The following PLCG2 variants were observed in gnomAD, a reference collection of about 807,000 sequenced individuals.
PLCG2 encodes 1-phosphatidylinositol 4,5-bisphosphate phosphodiesterase gamma-2.
Under a neutral mutation model 175.6 loss-of-function variants are expected in PLCG2, and 69 were observed. The observed-to-expected ratio is 0.39, with a 90% confidence interval of 0.32 to 0.48. The LOEUF (loss-of-function observed/expected upper bound fraction) is 0.48. Ranked by LOEUF, PLCG2 falls within the 20% of genes least tolerant of loss-of-function variation. The pLI, the probability that PLCG2 is intolerant of heterozygous loss-of-function variation, is 0.91. For missense variants in PLCG2, 1,798 were observed against 1,650.9 expected (o/e 1.09, Z -1.54); for synonymous variants, 827 against 624.0 (o/e 1.33, Z -4.85).
At chr16:81,859,790 C>A (rs767939340) in intron 5 of PLCG2, among the ~76,000 whole-genome samples, 8 of 152,204 alleles carry the variant, frequency 5.3e-5, no homozygotes, top group Non-Finnish European at 8.8e-5. Flanking sequence ...CCCACCTTGG[C>A]CTCCCAAAGT....
At chr16:81,904,268 C>T (rs552983127) in intron 14 of PLCG2, among the ~76,000 whole-genome samples, 20 of 152,262 alleles carry the variant, frequency 1.3e-4, no homozygotes, top group African/African-American at 3.4e-4. Context: ...CCCGATTTTA[C>T]GAGACAGATT....
chr16:81,934,191 G>A (rs1415056961), intron 25 of PLCG2, among the ~76,000 whole-genome samples: 2 of 152,194 alleles, frequency 1.3e-5, no homozygotes, highest in African/African-American at 4.8e-5. Context: ...TTTGAGGGCT[G>A]TGGCCAGGAC....
At chr16:81,859,347 C>G (rs749519313) in intron 5 of PLCG2, 184 bp downstream of exon 5, 6 of 546,186 alleles carry the variant, frequency 1.1e-5, no homozygotes, top group Non-Finnish European at 2.0e-5. Flanking sequence ...CTGGAGGGAG[C>G]CTCTATTCCG....
chr16:81,781,874 C>T (rs903960747), intron 1 of PLCG2, among the ~76,000 whole-genome samples: 21 of 3,606 alleles, frequency 5.8e-3, no homozygotes, highest in South Asian at 0.042. Flanking sequence ...TTCCCCCCCC[C>T]CCCCCGCCCG....
intron 1 of PLCG2, among the ~76,000 whole-genome samples, chr16:81,749,451 C>G (rs1314423307): frequency 2.0e-5 from 3 of 152,140 alleles, no homozygotes; most frequent in African/African-American, 7.2e-5. Flanking sequence ...CTCCTGGGTT[C>G]AAGCAATTCT....
chr16:81,805,762 GTTTTGTTTTTTTTTTT>G (rs1253307131), intron 2 of PLCG2, among the ~76,000 whole-genome samples: 57 of 38,894 alleles, frequency 1.5e-3, no homozygotes, highest in Non-Finnish European at 2.6e-3. Context: ...GTAGTGTTTT[GTTTTGTTTTTTTTTTT>G]TTTTGTTTTT....
intron 2 of PLCG2, among the ~76,000 whole-genome samples, chr16:81,766,074 T>G (rs1042814339): frequency 6.6e-6 from 1 of 152,240 alleles, no homozygotes; most frequent in African/African-American, 2.4e-5. Context: ...GTCCTACCTC[T>G]TCTGTCTCCT....
intron 22 of PLCG2, 82 bp downstream of exon 22, chr16:81,923,676 A>G (rs2143692958): frequency 1.3e-6 from 1 of 792,448 alleles, no homozygotes; most frequent in South Asian, 1.5e-5. Context: ...GTGCTGGCCA[A>G]GTCTGACCCC....
intron 19 of PLCG2, among the ~76,000 whole-genome samples, chr16:81,916,044 T>G (rs2143672910): frequency 6.6e-6 from 1 of 152,268 alleles, no homozygotes; most frequent in Non-Finnish European, 1.5e-5. Context: ...TATGGTGCCA[T>G]TTTGTGTCTG....
Position 81,956,890 on chromosome 16 carries a change from C to A in PLCG2, c.3755+11C>A. 1 of 1,608,840 alleles carries A rather than the reference C, an allele frequency of 6.2e-7. No individual in the cohort carries two copies. ...GAAATGCAACAAGAGGTAGGTCAGC[C>A]CCTCCACCTGCAAAAACTTTTGGGG... On this transcript the variant is annotated intron_variant, in intron 32 of 32. Coordinates refer to ENST00000564138, the MANE Select transcript of PLCG2 (RefSeq NM_002661.5).
At chr16:81,936,811 G>C (rs1910734667) in intron 27 of PLCG2, among the ~76,000 whole-genome samples, 1 of 152,184 alleles carries the variant, frequency 6.6e-6, no homozygotes, top group African/African-American at 2.4e-5. Context: ...ACGGGGCTTT[G>C]TGCTTTTGTT....
In PLCG2 at chr16:81,960,304, G is replaced by T. The variant is rs936532461; in HGVS notation, c.*2306G>T. ...CTACATAACTTCAGTATCTAGCTGA[G>T]ACATGCTTCCTACATGACTGTTAAA... On this transcript the variant is annotated 3_prime_UTR_variant, in exon 33 of 33. Coordinates refer to ENST00000564138, the MANE Select transcript of PLCG2 (RefSeq NM_002661.5). 4.5e-6 allele frequency: 1 copy of T among 220,470 alleles called. No individual in the cohort carries two copies. The highest frequency in any genetic ancestry group is 1.9e-4 in the South Asian group (1 of 5,398). The allele number at this position is 220,470 out of a possible 1,614,324, so 13.7% of individuals were successfully genotyped here.
At chr16:81,789,807 C>A (rs1310700253) in intron 2 of PLCG2, among the ~76,000 whole-genome samples, 1 of 152,004 alleles carries the variant, frequency 6.6e-6, no homozygotes, top group Non-Finnish European at 1.5e-5. Context: ...CTTCTCCCTC[C>A]CACTTTCCCT....
chr16:81,776,083 C>CGTTCGT (rs1413572575), upstream of PLCG2, among the ~76,000 whole-genome samples: 3 of 81,848 alleles, frequency 3.7e-5, no homozygotes, highest in African/African-American at 1.3e-4. Context: ...TTCTCTCTCT[C>CGTTCGT]TCTCTCTTTC....
intron 2 of PLCG2, among the ~76,000 whole-genome samples, chr16:81,791,215 T>C (rs1015056951): frequency 6.6e-6 from 1 of 152,118 alleles, no homozygotes; most frequent in African/African-American, 2.4e-5. Flanking sequence ...GAGTTTTCAC[T>C]GGATGTGGTG....
intron 26 of PLCG2, chr16:81,935,740 C>T: frequency 1.0e-6 from 1 of 985,362 alleles, no homozygotes; most frequent in Non-Finnish European, 1.2e-6. Context: ...ACCCACATTG[C>T]AACCCTACCT....
intron 11 of PLCG2, among the ~76,000 whole-genome samples, chr16:81,893,213 A>G (rs867255320): frequency 6.6e-6 from 1 of 152,146 alleles, no homozygotes; most frequent in African/African-American, 2.4e-5. Flanking sequence ...AGGAAAGTGC[A>G]TTAAAGAGTC....
chr16:81,928,592 G>C lies in PLCG2; in HGVS notation c.2549G>C (p.Arg850Thr). 6.2e-7 allele frequency: 1 copy of C among 1,609,772 alleles called. No individual in the cohort carries two copies. Among genetic ancestry groups the C allele is most frequent in the Non-Finnish European group, 8.5e-7 (1 of 1,176,010 alleles). Residue 850 changes from arginine (R) to threonine (T), a missense_variant, in exon 24 of 33, where the codon AGA (arginine) becomes ACA (threonine). Transcript: ENST00000564138. ...IEDNPLGSLCRGILDLNTYNV... is the reference protein window; with the variant it reads ...IEDNPLGSLCTGILDLNTYNV... ...GACAATCCCTTAGGGTCTCTTTGCA[G>C]AGGAATATTGGACCTCAATACCTAT...
At position 81,871,730 on chromosome 16, in the gene PLCG2, C is replaced by G. The variant is rs116819605; in HGVS notation, c.648+795C>G. ...AAATTAAGAGGGTGTATGTTTTGATCTGACAGTGGCATCCTGGGGACTCTG... is the reference window on the plus strand; with the variant it reads ...AAATTAAGAGGGTGTATGTTTTGATGTGACAGTGGCATCCTGGGGACTCTG... On this transcript the variant is annotated intron_variant, in intron 7 of 32. Transcript: ENST00000564138. Among the ~76,000 whole-genome samples the G allele has an allele frequency of 4.2e-3, 635 of 152,278 alleles. 6 individuals carry two copies. Among genetic ancestry groups the G allele is most frequent in the African/African-American group, 0.015 (616 of 41,544 alleles).
Sources: gnomAD v4.1 joint callset for allele counts (sites outside exome capture counted in the v4.1 genomes callset) on GRCh38, gnomAD v4.1.1 for gene constraint, MANE v1.5 for transcripts, NCBI Gene and HGNC (gene_info 2026-07-23, HGNC 2026-07-21) for gene names.